The following CDH23 variants were observed in gnomAD, a reference collection of about 807,000 sequenced individuals.
CDH23 encodes cadherin-23.
In CDH23, 189 loss-of-function variants were observed where a neutral mutation model predicts 317.1. That is an observed-to-expected ratio of 0.60 (90% CI 0.53 to 0.67). The LOEUF (loss-of-function observed/expected upper bound fraction) is 0.67, where lower values mean the gene tolerates loss of function less well. CDH23 is among the 30% of genes least tolerant of loss of function. The pLI, the probability that CDH23 is intolerant of heterozygous loss-of-function variation, is 0.00. For missense variants in CDH23, 4,401 were observed against 4,592.4 expected (o/e 0.96, Z 1.20); for synonymous variants, 1,839 against 1,876.8 (o/e 0.98, Z 0.52).
chr10:71,571,467 T>C (rs1406623681), intron 8 of CDH23, among the ~76,000 whole-genome samples: 2 of 152,214 alleles, frequency 1.3e-5, no homozygotes, highest in Non-Finnish European at 2.9e-5. Context: ...AGGCTCCTGA[T>C]TTTTCTGGTG....
At chr10:71,420,478 GATGGTGATGGTGATGATGGTA>G (rs1848737438) in intron 1 of CDH23, among the ~76,000 whole-genome samples, 1 of 149,626 alleles carries the variant, frequency 6.7e-6, no homozygotes. Context: ...TGGTGATGAT[GATGGTGATGGTGATGATGGTA>G]ATGGTGATGG....
intron 3 of CDH23, chr10:71,508,114 C>T (rs1157372055): frequency 3.3e-5 from 5 of 152,238 alleles, no homozygotes; most frequent in Admixed American, 3.3e-4. Context: ...GACTCAGCTT[C>T]CTAATCTGCA....
At chr10:71,472,237 G>A (rs1851553649) in intron 3 of CDH23, among the ~76,000 whole-genome samples, 1 of 152,188 alleles carries the variant, frequency 6.6e-6, no homozygotes, top group East Asian at 1.9e-4. Context: ...GGGAGGAAGG[G>A]AGGAGCCAGG....
chr10:71,666,501 C>T (rs1036519402), intron 14 of CDH23, among the ~76,000 whole-genome samples: 10 of 152,312 alleles, frequency 6.6e-5, no homozygotes, highest in Middle Eastern at 6.8e-3. Flanking sequence ...CCCCTTTGCC[C>T]ATCTAACACC....
chr10:71,711,446 G>A (rs1203103592), intron 27 of CDH23, among the ~76,000 whole-genome samples: 1 of 152,102 alleles, frequency 6.6e-6, no homozygotes, highest in Non-Finnish European at 1.5e-5. Flanking sequence ...ACCCCCTGGG[G>A]TGACCACTCT....
At chr10:71,726,067 C>G (rs1434180354) in intron 30 of CDH23, among the ~76,000 whole-genome samples, 3 of 152,174 alleles carry the variant, frequency 2.0e-5, no homozygotes, top group African/African-American at 7.2e-5. Context: ...AAAATCAAAT[C>G]AGCCTTAGTC....
At chr10:71,780,624 C>T (rs1287083153) in intron 41 of CDH23, among the ~76,000 whole-genome samples, 1 of 152,076 alleles carries the variant, frequency 6.6e-6, no homozygotes, top group African/African-American at 2.4e-5. Flanking sequence ...CAGATGTTGT[C>T]GGGCCTTGAG....
intron 6 of CDH23, among the ~76,000 whole-genome samples, chr10:71,514,189 A>T (rs1854148784): frequency 6.6e-6 from 1 of 152,124 alleles, no homozygotes; most frequent in African/African-American, 2.4e-5. Flanking sequence ...GATGAATCAG[A>T]GGGTCCCAAA....
At chr10:71,752,821 A>G (rs889557273) in intron 38 of CDH23, among the ~76,000 whole-genome samples, 1 of 152,152 alleles carries the variant, frequency 6.6e-6, no homozygotes, top group Non-Finnish European at 1.5e-5. Flanking sequence ...AGAACAGCCA[A>G]TCTGCACAGA....
At chr10:71,660,253 G>T (rs1863593512) in intron 14 of CDH23, among the ~76,000 whole-genome samples, 2 of 152,104 alleles carry the variant, frequency 1.3e-5, no homozygotes, top group South Asian at 4.1e-4. Context: ...GCCTGACTCA[G>T]CCATTTCTGA....
chr10:71,732,168 C>T lies in CDH23; in HGVS notation c.3897C>T (p.Val1299=), dbSNP rs1839412479. ...APPFNQGFCS[V]YITLLNELDE... ...CCTTCAACCAGGGCTTCTGCAGCGT[C>T]TACATCACTCTGCTCAACGAGCTGG... Residue 1299 remains valine, a synonymous_variant, in exon 32 of 70, where the codon GTC becomes GTT. Coordinates refer to ENST00000224721, the MANE Select transcript of CDH23 (RefSeq NM_022124.6). 1 of 1,614,000 alleles carries T rather than the reference C, an allele frequency of 6.2e-7. No individual in the cohort carries two copies. The highest frequency in any genetic ancestry group is 8.5e-7 in the Non-Finnish European group (1 of 1,179,862).
At chr10:71,742,106 T>G in intron 38 of CDH23, 185 bp downstream of exon 38, 1 of 612,484 alleles carries the variant, frequency 1.6e-6, no homozygotes. Context: ...GCCTGTTGCG[T>G]GCAAAGCTGG....
intron 44 of CDH23, among the ~76,000 whole-genome samples, chr10:71,787,097 G>A (rs1022265887): frequency 6.6e-6 from 1 of 152,156 alleles, no homozygotes; most frequent in Admixed American, 6.5e-5. Flanking sequence ...TCCAGCCAGG[G>A]CAACAGGAAG....
chr10:71,723,986 C>T (rs887360491), intron 28 of CDH23, 59 bp from the exon 29 acceptor site: 17 of 1,538,334 alleles, frequency 1.1e-5, no homozygotes, highest in Admixed American at 2.0e-5. Context: ...ACTCTAAAAA[C>T]CTCTTCTCTC....
Position 71,446,334 on chromosome 10 carries a change from G to C in CDH23, c.84G>C (p.Leu28=), listed in dbSNP as rs1850165700. The C allele has an allele frequency of 3.1e-6, 5 of 1,614,042 alleles. No individual in the cohort carries two copies. Among genetic ancestry groups the C allele is most frequent in the Non-Finnish European group, 4.2e-6 (5 of 1,179,888 alleles). The change falls in exon 3 of 70, where the codon CTG becomes CTC. Residue 28 remains leucine (L), a synonymous_variant. Coordinates refer to ENST00000224721, the MANE Select transcript of CDH23 (RefSeq NM_022124.6). ...ISGCWGQVNR[L]PFFTNHFFDT... is the part of the protein sequence containing the mutation. The stretch of plus-strand genomic sequence containing the variant: ...GACTTCCAGGCCAGGTGAACCGGCT[G>C]CCCTTCTTCACCAACCACTTCTTTG...
intron 6 of CDH23, among the ~76,000 whole-genome samples, chr10:71,563,935 G>C (rs575403578): frequency 1.0e-3 from 155 of 152,152 alleles, no homozygotes; most frequent in African/African-American, 3.7e-3. Context: ...TTTTAGTAGA[G>C]ACGGGGTTTC....
At chr10:71,463,002 C>T (rs1480980583) in intron 3 of CDH23, among the ~76,000 whole-genome samples, 2 of 152,208 alleles carry the variant, frequency 1.3e-5, no homozygotes, top group African/African-American at 4.8e-5. Context: ...AAATGCTTAC[C>T]GGCTGCATTT....
At chr10:71,537,597 G>T (rs576861555) in intron 6 of CDH23, among the ~76,000 whole-genome samples, 1 of 152,292 alleles carries the variant, frequency 6.6e-6, no homozygotes, top group East Asian at 1.9e-4. Context: ...TGTCCAAGGA[G>T]CCCAGTGATG....
Position 71,705,117 on chromosome 10 carries a change from G to A in CDH23, c.2940G>A (p.Thr980=), listed in dbSNP as rs373631099. The A allele has an allele frequency of 2.3e-4, 378 of 1,610,166 alleles. 4 individuals are homozygous for A. The Middle Eastern group carries it at 1.0e-2, about 43-fold the overall frequency. ...AGTPTKSSTS[T]LTIHVLDVND... is the part of the protein sequence containing the mutation. Reference sequence around the variant, plus strand: ...CGCCCACCAAGAGCTCCACCAGCACGCTCACCATCCATGGTGAGGGGGCGC... The same window carrying A: ...CGCCCACCAAGAGCTCCACCAGCACACTCACCATCCATGGTGAGGGGGCGC... The change falls in exon 25 of 70, where the codon ACG becomes ACA. Residue 980 remains threonine, a synonymous_variant. Coordinates refer to ENST00000224721, the MANE Select transcript of CDH23 (RefSeq NM_022124.6).
Sources: gnomAD v4.1 joint callset for allele counts (sites outside exome capture counted in the v4.1 genomes callset) on GRCh38, gnomAD v4.1.1 for gene constraint, MANE v1.5 for transcripts, NCBI Gene and HGNC (gene_info 2026-07-23, HGNC 2026-07-21) for gene names.